The following HEATR4 variants were observed in gnomAD, a reference collection of about 807,000 sequenced individuals.
HEATR4 encodes the protein HEAT repeat containing 4, also known as HEAT repeat-containing protein 4.
A neutral mutation model predicts 108.8 loss-of-function variants in HEATR4; 95 were observed. The observed-to-expected ratio is 0.87, with a 90% CI of 0.74 to 1.04. The LOEUF (loss-of-function observed/expected upper bound fraction) is 1.04, where lower values mean the gene tolerates loss of function less well. Among genes scored for constraint, HEATR4 ranks in the 50% least tolerant of loss-of-function variants. The probability of loss-of-function intolerance (pLI) is 0.00; values close to 1 mark genes in which losing one functional copy is unlikely to be tolerated. For synonymous variants in HEATR4, 443 were observed against 459.4 expected (o/e 0.96, Z 0.46); for missense variants, 1,152 against 1,253.8 (o/e 0.92, Z 1.23).
the HEATR4 span, among the ~76,000 whole-genome samples, chr14:73,602,816 G>A: frequency 1.3e-5 from 2 of 152,002 alleles, no homozygotes; most frequent in African/African-American, 4.8e-5. Flanking sequence ...AACTAACCAC[G>A]TCAAATAATC....
In HEATR4 at chr14:73,553,439, A is replaced by G. The variant is rs1242463526; in HGVS notation, c.-152+5312T>C. On this transcript the variant is annotated intron_variant, in intron 1 of 17. Coordinates refer to ENST00000553558, the MANE Select transcript of HEATR4 (RefSeq NM_001220484.1). ...GGCAGGAGAATCACTTGGAACCCAG[A>G]AGGTAGAGGTCCAGTGAGCCGGGAT... Among the ~76,000 whole-genome samples, 8 of 112,536 alleles carry G rather than the reference A, an allele frequency of 7.1e-5. No homozygotes were observed. In the South Asian group the frequency reaches 2.0e-3, roughly 28 times the overall value. 73.8% of individuals were successfully genotyped at this position (112,536 alleles called of 152,430 possible).
At chr14:73,574,633 G>A in the HEATR4 span, among the ~76,000 whole-genome samples, 2 of 151,982 alleles carry the variant, frequency 1.3e-5, no homozygotes, top group South Asian at 4.1e-4. Flanking sequence ...TCAGGTGGGA[G>A]ACAGAAAAAG....
At chr14:73,567,234 A>C in the HEATR4 span, among the ~76,000 whole-genome samples, 1 of 152,056 alleles carries the variant, frequency 6.6e-6, no homozygotes, top group Non-Finnish European at 1.5e-5. Context: ...ATCTTGCCCA[A>C]CTTCCACTTT....
the HEATR4 span, among the ~76,000 whole-genome samples, chr14:73,600,856 C>T: frequency 9.4e-3 from 1,424 of 152,180 alleles, 6 homozygotes; most frequent in Middle Eastern, 0.031. Flanking sequence ...AAGAACTTCT[C>T]GGCCAGGCGT....
chr14:73,540,742 CT>C (rs200357086), intron 1 of HEATR4, among the ~76,000 whole-genome samples: 2,324 of 80,886 alleles, frequency 0.029, 33 homozygotes, highest in Non-Finnish European at 0.038. Context: ...TGTTTGCATT[CT>C]TTTTTTTTTT....
Position 73,547,658 on chromosome 14 carries a change from G to A in HEATR4, c.-152+11093C>T, listed in dbSNP as rs1261467841. ...CCATCACTTTGGGAGGCCAAGGTGG[G>A]TGGATCACTTGAAGTCAGGAGTTCG... On this transcript the variant is annotated intron_variant, in intron 1 of 17. Transcript: ENST00000553558. 1.7e-5 allele frequency among the ~76,000 whole-genome samples: 2 copies of A among 115,630 alleles called. 1 individual carries two copies. Among genetic ancestry groups the A allele is most frequent in the African/African-American group, 5.6e-5 (2 of 35,600 alleles). The allele number at this position is 115,630 out of a possible 152,430, so 75.9% of individuals were successfully genotyped here.
In HEATR4 at chr14:73,531,505, C is replaced by G. The variant is rs183080016; in HGVS notation, c.-151-1261G>C. 1.4e-3 allele frequency among the ~76,000 whole-genome samples: 152 copies of G among 104,934 alleles called. 44 individuals are homozygous for G. The highest frequency in any genetic ancestry group is 9.8e-3 in the Middle Eastern group (2 of 204). The allele number at this position is 104,934 out of a possible 152,430, so 68.8% of individuals were successfully genotyped here. A position where few individuals can be genotyped will look rare whatever the true frequency, so the allele number is the denominator to read the frequency against. On this transcript the variant is annotated intron_variant, in intron 1 of 17. Transcript: ENST00000553558. ...GTGTGATCTTGGCTCACTGCAACCT[C>G]TGCCTCCCAGGTTCAAGCAATTCTC...
At chr14:73,493,304 T>C (rs1566821895) in intron 16 of HEATR4, 180 bp from the exon 17 acceptor site, 1 of 578,710 alleles carries the variant, frequency 1.7e-6, no homozygotes, top group African/African-American at 1.9e-5. Flanking sequence ...ATCTGAGTTC[T>C]TTTTCATGGG....
chr14:73,574,444 TTAG>T, the HEATR4 span: 1 of 252,796 alleles, frequency 4.0e-6, no homozygotes, highest in African/African-American at 2.3e-5. Context: ...TCTTGTATTT[TTAG>T]TAGAGATGTT....
intron 2 of HEATR4, among the ~76,000 whole-genome samples, chr14:73,524,596 G>A (rs1270680448): frequency 6.7e-6 from 1 of 150,050 alleles, no homozygotes; most frequent in Non-Finnish European, 1.5e-5. Context: ...AGAAGCTGAG[G>A]TTCAGAGAGG....
At chr14:73,586,672 T>C in the HEATR4 span, among the ~76,000 whole-genome samples, 3 of 148,312 alleles carry the variant, frequency 2.0e-5, no homozygotes, top group Non-Finnish European at 4.4e-5. Flanking sequence ...ACCACTGCAC[T>C]GCAGCCTGGG....
At chr14:73,609,338 C>T in the HEATR4 span, among the ~76,000 whole-genome samples, 1 of 152,162 alleles carries the variant, frequency 6.6e-6, no homozygotes. Flanking sequence ...GGAAAGCTGG[C>T]AGATGATGGG....
Position 73,514,166 on chromosome 14 carries a change from G to A in HEATR4, c.1279C>T (p.Gln427Ter). ...LPTPAKDMLL[Q>*]VGEKDVPIKT... is the part of the protein sequence containing the mutation. The stretch of plus-strand genomic sequence containing the variant: ...ATAGGCACATCCTTCTCACCCACCT[G>A]CAGCAGCATATCCTTGGCGGGGGTG... The change falls in exon 6 of 18, where the codon CAG (glutamine) becomes TAG (stop). Residue 427 changes from glutamine to a stop codon, truncating the protein, a stop_gained. Coordinates refer to ENST00000553558, the MANE Select transcript of HEATR4 (RefSeq NM_001220484.1). LOFTEE classifies it high-confidence loss of function. 1 of 1,614,204 alleles carries A rather than the reference G, an allele frequency of 6.2e-7. No homozygotes were observed. Among genetic ancestry groups the A allele is most frequent in the Non-Finnish European group, 8.5e-7 (1 of 1,180,032 alleles).
In HEATR4 at chr14:73,495,312, C is replaced by T. The variant is rs1221042458; in HGVS notation, c.2701G>A (p.Glu901Lys). The T allele has an allele frequency of 1.2e-6, 2 of 1,613,906 alleles. No individual in the cohort carries two copies. Among genetic ancestry groups the T allele is most frequent in the Admixed American group, 1.7e-5 (1 of 60,012 alleles). Residue 901 changes from glutamate (E) to lysine (K), a missense_variant, in exon 16 of 18, where the codon GAG (glutamate) becomes AAG (lysine). Transcript: ENST00000553558. ...KLEMVMGKVREEAKRVYLKPK... is the reference protein window; with the variant it reads ...KLEMVMGKVRKEAKRVYLKPK... ...TTCAAGTAAACACGTTTTGCTTCCT[C>T]CCTCACTTTTCCCATGACCATCTCC...
At chr14:73,621,137 C>T in the HEATR4 span, among the ~76,000 whole-genome samples, 1 of 152,012 alleles carries the variant, frequency 6.6e-6, no homozygotes. Flanking sequence ...TGCTTGAACT[C>T]AGGAGGTGGA....
the HEATR4 span, among the ~76,000 whole-genome samples, chr14:73,604,435 G>C: frequency 6.6e-6 from 1 of 151,782 alleles, no homozygotes; most frequent in African/African-American, 2.4e-5. Flanking sequence ...AAAATGCTGG[G>C]ATTACAGGCA....
At chr14:73,500,459 A>C in intron 12 of HEATR4, 91 bp downstream of exon 12, 1 of 1,342,662 alleles carries the variant, frequency 7.4e-7, no homozygotes, top group South Asian at 1.4e-5. Flanking sequence ...CTGTGTCCCC[A>C]CAGAATGTTG....
At chr14:73,558,052 A>C (rs1889427842) in intron 1 of HEATR4, among the ~76,000 whole-genome samples, 1 of 99,992 alleles carries the variant, frequency 1.0e-5, no homozygotes, top group African/African-American at 3.7e-5. Context: ...GTAGCCTGCA[A>C]GTGAGGCCTA....
At chr14:73,575,160 C>G in the HEATR4 span, 2 of 1,186,790 alleles carry the variant, frequency 1.7e-6, no homozygotes, top group South Asian at 2.9e-5. Flanking sequence ...AGGACCTGAC[C>G]AGAAGAGCTT....
Sources: gnomAD v4.1 joint callset for allele counts (sites outside exome capture counted in the v4.1 genomes callset) on GRCh38, gnomAD v4.1.1 for gene constraint, MANE v1.5 for transcripts, NCBI Gene and HGNC (gene_info 2026-07-23, HGNC 2026-07-21) for gene names.